Variants in LDB2 observed in about 807,000 individuals in gnomAD.
LDB2 encodes LIM domain binding 2.
A neutral mutation model predicts 44.3 loss-of-function variants in LDB2; 12 were observed. The ratio of observed to expected loss-of-function variants is 0.27; its 90% CI spans 0.17 to 0.44. The LOEUF (loss-of-function observed/expected upper bound fraction) is 0.44, where lower values mean the gene tolerates loss of function less well. Ranked by LOEUF, LDB2 falls within the 20% of genes least tolerant of loss-of-function variation. The pLI is 1.00. For synonymous variants in LDB2, 164 were observed against 174.8 expected, an observed-to-expected ratio of 0.94 and a Z score of 0.49; for missense variants, 344 against 473.5, an observed-to-expected ratio of 0.73 and a Z score of 2.54.
intron 5 of LDB2, among the ~76,000 whole-genome samples, chr4:16,523,831 A>C (rs1727210753): frequency 6.6e-6 from 1 of 152,352 alleles, no homozygotes; most frequent in East Asian, 1.9e-4. Context: ...TTTTCTCTTT[A>C]ATATTTTCTG....
In LDB2 at chr4:16,725,391, GT is replaced by G. The variant is rs140201987; in HGVS notation, c.235+33766del. ...TCTGACCTACAGCATGCAGCCACCT[GT>G]CCAGGAAACCAACCCCTTATCTGCA... On this transcript the variant is annotated intron_variant, in intron 2 of 7. Coordinates refer to ENST00000304523, the MANE Select transcript of LDB2 (RefSeq NM_001290.5). 4.3e-3 allele frequency among the ~76,000 whole-genome samples: 652 copies of G among 152,088 alleles called. 5 individuals are homozygous for G. Among genetic ancestry groups the G allele is most frequent in the African/African-American group, 0.015 (605 of 41,502 alleles).
chr4:16,568,879 G>A (rs1322739796), intron 5 of LDB2, among the ~76,000 whole-genome samples: 7 of 152,158 alleles, frequency 4.6e-5, no homozygotes, highest in Non-Finnish European at 7.4e-5. Context: ...ACCCACTGTC[G>A]AAGCCTGACC....
intron 1 of LDB2, among the ~76,000 whole-genome samples, chr4:16,777,072 T>C (rs2109407573): frequency 6.6e-6 from 1 of 152,306 alleles, no homozygotes; most frequent in South Asian, 2.1e-4. Context: ...ACCACTCATT[T>C]AGAATAAAAT....
chr4:16,679,332 G>C (rs927007193), intron 2 of LDB2, among the ~76,000 whole-genome samples: 2 of 152,082 alleles, frequency 1.3e-5, no homozygotes, highest in Non-Finnish European at 1.5e-5. Context: ...AGGAAGGCAG[G>C]AAGGCAGGAA....
At chr4:16,683,460 C>T (rs1446911903) in intron 2 of LDB2, among the ~76,000 whole-genome samples, 1 of 152,182 alleles carries the variant, frequency 6.6e-6, no homozygotes, top group Non-Finnish European at 1.5e-5. Context: ...CCACTTGATA[C>T]CATTTATAAA....
intron 5 of LDB2, among the ~76,000 whole-genome samples, chr4:16,534,727 A>C (rs1283778621): frequency 1.3e-5 from 2 of 152,228 alleles, no homozygotes; most frequent in African/African-American, 4.8e-5. Flanking sequence ...TTGAGATGCC[A>C]AGAAAGAAGA....
At chr4:16,749,497 G>A (rs763462163) in intron 2 of LDB2, among the ~76,000 whole-genome samples, 14 of 147,472 alleles carry the variant, frequency 9.5e-5, no homozygotes, top group Non-Finnish European at 1.9e-4. Flanking sequence ...GGTGGAGGTT[G>A]CAGTGGAGCC....
chr4:16,774,610 A>T (rs1771487871), intron 1 of LDB2, among the ~76,000 whole-genome samples: 1 of 152,176 alleles, frequency 6.6e-6, no homozygotes, highest in African/African-American at 2.4e-5. Context: ...GTGAATTATT[A>T]TCCTTATTTT....
At chr4:16,536,636 A>G (rs1157236280) in intron 5 of LDB2, among the ~76,000 whole-genome samples, 3 of 152,214 alleles carry the variant, frequency 2.0e-5, no homozygotes, top group Non-Finnish European at 4.4e-5. Context: ...ACAGGAAGTC[A>G]TCCCAGGGTA....
Position 16,808,333 on chromosome 4 carries a change from C to G in LDB2, c.133-49073G>C, listed in dbSNP as rs565830467. Among the ~76,000 whole-genome samples the G allele has an allele frequency of 2.6e-5, 4 of 152,252 alleles. No individual in the cohort carries two copies. The East Asian group carries it at 7.7e-4, about 29-fold the overall frequency. On this transcript the variant is annotated intron_variant, in intron 1 of 7. Coordinates refer to ENST00000304523, the MANE Select transcript of LDB2 (RefSeq NM_001290.5). ...GCAAGACACAGACATGGCTGTTCAG[C>G]AGAGACTTTCTTATAAGTCAGAAAG... is the stretch of plus-strand genomic sequence containing the variant.
intron 5 of LDB2, among the ~76,000 whole-genome samples, chr4:16,560,859 C>T (rs1490588303): frequency 6.6e-6 from 1 of 152,168 alleles, no homozygotes; most frequent in Non-Finnish European, 1.5e-5. Context: ...CATCAAAAAG[C>T]TTATCCACCA....
At chr4:16,559,656 A>G in intron 5 of LDB2, among the ~76,000 whole-genome samples, 1 of 152,080 alleles carries the variant, frequency 6.6e-6, no homozygotes, top group East Asian at 1.9e-4. Flanking sequence ...AGACAGATCA[A>G]CGAGACAGAA....
chr4:16,574,177 T>G (rs1180555912), intron 5 of LDB2, among the ~76,000 whole-genome samples: 2 of 152,292 alleles, frequency 1.3e-5, no homozygotes, highest in Middle Eastern at 3.4e-3. Context: ...CTTGGGAAAT[T>G]AAAGGCACAG....
At chr4:16,646,554 A>T (rs1025365191) in intron 2 of LDB2, among the ~76,000 whole-genome samples, 2 of 152,210 alleles carry the variant, frequency 1.3e-5, no homozygotes, top group African/African-American at 4.8e-5. Context: ...CATAAGAAGA[A>T]TATGGCCTGG....
intron 2 of LDB2, among the ~76,000 whole-genome samples, chr4:16,710,545 G>T (rs1235690884): frequency 6.6e-6 from 1 of 151,964 alleles, no homozygotes; most frequent in Non-Finnish European, 1.5e-5. Context: ...CCAGAAGGTG[G>T]AATAAAAGAC....
At chr4:16,515,868 A>T (rs1382688920) in intron 5 of LDB2, among the ~76,000 whole-genome samples, 13 of 151,142 alleles carry the variant, frequency 8.6e-5, no homozygotes, top group African/African-American at 3.2e-4. Flanking sequence ...TTATTTATTT[A>T]TTTATTTATT....
chr4:16,788,317 T>C (rs1027769996), intron 1 of LDB2, among the ~76,000 whole-genome samples: 2 of 152,172 alleles, frequency 1.3e-5, no homozygotes, highest in African/African-American at 4.8e-5. Flanking sequence ...AGAGGGACTT[T>C]GGGGGTGGTG....
intron 2 of LDB2, among the ~76,000 whole-genome samples, chr4:16,732,399 C>G (rs1438609564): frequency 6.6e-6 from 1 of 152,228 alleles, no homozygotes; most frequent in East Asian, 1.9e-4. Context: ...TCACAATGCT[C>G]TTTGCCACCA....
At chr4:16,827,835 C>A (rs986570631) in intron 1 of LDB2, among the ~76,000 whole-genome samples, 2 of 152,160 alleles carry the variant, frequency 1.3e-5, no homozygotes, top group Admixed American at 6.5e-5. Flanking sequence ...AGTACCTGGG[C>A]CCTGGCCAGA....
Sources: allele counts gnomAD v4.1 joint callset (sites outside exome capture counted in the v4.1 genomes callset), GRCh38; gene constraint gnomAD v4.1.1; transcripts MANE v1.5; gene names NCBI Gene and HGNC (gene_info 2026-07-23, HGNC 2026-07-21).